Variants in CNOT2 observed in about 807,000 individuals in gnomAD.
The protein encoded by CNOT2 is CC chemokine receptor 4-negative regulator of transcription 2.
A neutral mutation model predicts 72.1 loss-of-function variants in CNOT2; 7 were observed. The ratio of observed to expected loss-of-function variants is 0.10; its 90% CI spans 0.06 to 0.18. The LOEUF is 0.18. CNOT2 is among the 10% of genes least tolerant of loss of function. The pLI is 1.00. For synonymous variants in CNOT2, 196 were observed against 225.6 expected (o/e 0.87, Z 1.17); for missense variants, 345 against 660.3 (o/e 0.52, Z 5.23).
At chr12:70,311,086 A>AG (rs1421564335) in intron 3 of CNOT2, 69 bp downstream of exon 3, 2 of 1,105,704 alleles carry the variant, frequency 1.8e-6, no homozygotes, top group Non-Finnish European at 2.7e-6. Flanking sequence ...GAAAAACAGC[A>AG]TATCAAGTGC....
intron 14 of CNOT2, chr12:70,345,514 T>C (rs1882054338): frequency 6.6e-6 from 1 of 152,182 alleles, no homozygotes; most frequent in African/African-American, 2.4e-5. Context: ...GGAAAGCATT[T>C]CTTTACATGG....
At chr12:70,305,783 G>A (rs964519470) in intron 2 of CNOT2, among the ~76,000 whole-genome samples, 3 of 149,794 alleles carry the variant, frequency 2.0e-5, no homozygotes, top group East Asian at 2.0e-4. Flanking sequence ...CTCTTACTTC[G>A]TTGGTTCCCT....
At chr12:70,257,354 C>CTT (rs34175539) in intron 1 of CNOT2, among the ~76,000 whole-genome samples, 2,592 of 128,332 alleles carry the variant, frequency 0.02, 78 homozygotes, top group African/African-American at 0.033. Flanking sequence ...CAACTACCCC[C>CTT]TTTTTTTTTT....
chr12:70,342,071 TG>T, intron 11 of CNOT2, 35 bp from the exon 12 acceptor site: 1 of 1,263,430 alleles, frequency 7.9e-7, no homozygotes, highest in Non-Finnish European at 1.2e-6. Context: ...TCTCTTTTTC[TG>T]GATTTCAAAA....
In CNOT2 at chr12:70,353,976, A is replaced by G. The variant is rs1311287805; in HGVS notation, c.*61A>G. On this transcript the variant is annotated 3_prime_UTR_variant, in exon 16 of 16. Transcript: ENST00000229195. Reference sequence around the variant, plus strand: ...CTTGGGGTATGGCTGTCTCAGCACAATACTCAACATAACTGCAGAACTGAT... The same window carrying G: ...CTTGGGGTATGGCTGTCTCAGCACAGTACTCAACATAACTGCAGAACTGAT... 10 of 1,553,748 alleles carry G rather than the reference A, an allele frequency of 6.4e-6. No homozygotes were observed. Among genetic ancestry groups the G allele is most frequent in the African/African-American group, 5.6e-5 (4 of 71,324 alleles).
At chr12:70,298,583 C>T (rs1873240458) in intron 2 of CNOT2, among the ~76,000 whole-genome samples, 1 of 152,042 alleles carries the variant, frequency 6.6e-6, no homozygotes, top group African/African-American at 2.4e-5. Flanking sequence ...TAGAATATTC[C>T]CTGGCACAAT....
intron 14 of CNOT2, chr12:70,345,392 C>T (rs1882037392): frequency 6.6e-6 from 1 of 151,992 alleles, no homozygotes; most frequent in African/African-American, 2.4e-5. Context: ...CCTGTTGTTC[C>T]TTTTAATTGT....
At chr12:70,258,262 A>T (rs1958556094) in intron 1 of CNOT2, among the ~76,000 whole-genome samples, 1 of 152,220 alleles carries the variant, frequency 6.6e-6, no homozygotes, top group Non-Finnish European at 1.5e-5. Context: ...ATACAGAAGT[A>T]CCATATCAAA....
intron 2 of CNOT2, chr12:70,278,537 A>G (rs12230225): frequency 0.058 from 22,899 of 395,154 alleles, 2,632 homozygotes; most frequent in East Asian, 0.42. Flanking sequence ...TATTTGATAT[A>G]CAAGTTATGA....
At chr12:70,341,439 A>T (rs1464452247) in intron 11 of CNOT2, among the ~76,000 whole-genome samples, 1 of 152,122 alleles carries the variant, frequency 6.6e-6, no homozygotes, top group East Asian at 1.9e-4. Context: ...GACCACCTTA[A>T]TGAAACCTAA....
At chr12:70,288,992 T>C (rs1287745700) in intron 2 of CNOT2, among the ~76,000 whole-genome samples, 2 of 152,036 alleles carry the variant, frequency 1.3e-5, no homozygotes, top group African/African-American at 2.4e-5. Context: ...TTACTTCTTA[T>C]CCCTTTCTTC....
chr12:70,311,880 A>G (rs759607908), intron 3 of CNOT2, among the ~76,000 whole-genome samples: 3 of 151,966 alleles, frequency 2.0e-5, no homozygotes, highest in Non-Finnish European at 4.4e-5. Context: ...ATAAAGTTCT[A>G]AGATATGGAA....
chr12:70,310,563 A>G (rs537416876), intron 2 of CNOT2, among the ~76,000 whole-genome samples: 1 of 152,240 alleles, frequency 6.6e-6, no homozygotes, highest in East Asian at 1.9e-4. Context: ...TTGAATAATT[A>G]AACCTAAACT....
Position 70,262,434 on chromosome 12 carries a change from C to T in CNOT2, c.-95-15698C>T, listed in dbSNP as rs541480760. Reference sequence around the variant, plus strand: ...GACTACAGGCGCCCGCCACTACACCCGGTCAATTTTTTTGTATTTTTTAGT... The same window carrying T: ...GACTACAGGCGCCCGCCACTACACCTGGTCAATTTTTTTGTATTTTTTAGT... On this transcript the variant is annotated intron_variant, in intron 1 of 15. Coordinates refer to ENST00000229195, the MANE Select transcript of CNOT2 (RefSeq NM_014515.7). Among the ~76,000 whole-genome samples, 65 of 151,914 alleles carry T rather than the reference C, an allele frequency of 4.3e-4. 1 individual carries two copies. The East Asian group carries it at 9.4e-3, about 22-fold the overall frequency.
At chr12:70,269,266 G>A (rs929227550) in intron 1 of CNOT2, among the ~76,000 whole-genome samples, 12 of 149,456 alleles carry the variant, frequency 8.0e-5, no homozygotes, top group Non-Finnish European at 1.5e-4. Context: ...ACTCAATTTC[G>A]CTCTGAAGCT....
intron 2 of CNOT2, among the ~76,000 whole-genome samples, chr12:70,301,044 T>C (rs1873860710): frequency 6.6e-6 from 1 of 152,204 alleles, no homozygotes; most frequent in Admixed American, 6.5e-5. Context: ...TGTATAAGAA[T>C]GCTTGTGATT....
chr12:70,270,489 C>T (rs1416042108), intron 1 of CNOT2, among the ~76,000 whole-genome samples: 2 of 152,052 alleles, frequency 1.3e-5, no homozygotes, highest in Non-Finnish European at 2.9e-5. Flanking sequence ...TTCTTTGATT[C>T]TAGGTTTACT....
chr12:70,352,418 A>G (rs1420555123), intron 15 of CNOT2, among the ~76,000 whole-genome samples: 1 of 152,230 alleles, frequency 6.6e-6, no homozygotes, highest in African/African-American at 2.4e-5. Flanking sequence ...TAGGTCTGTA[A>G]TATCTTTAAA....
chr12:70,306,903 A>AG, intron 2 of CNOT2, among the ~76,000 whole-genome samples: 1 of 152,252 alleles, frequency 6.6e-6, no homozygotes, highest in Non-Finnish European at 1.5e-5. Context: ...CTAGGCTATA[A>AG]ACATGTACAG....
Sources: gnomAD v4.1 joint callset for allele counts (sites outside exome capture counted in the v4.1 genomes callset) on GRCh38, gnomAD v4.1.1 for gene constraint, MANE v1.5 for transcripts, NCBI Gene and HGNC (gene_info 2026-07-23, HGNC 2026-07-21) for gene names.